Variants in ARSD observed in about 807,000 individuals in gnomAD.
The protein encoded by ARSD is testis tissue sperm-binding protein Li 39a.
Under a neutral mutation model 32.6 loss-of-function variants are expected in ARSD, and 21 were observed. That is an observed-to-expected ratio of 0.64 (90% CI 0.46 to 0.93). The LOEUF (loss-of-function observed/expected upper bound fraction) is 0.93. Among genes scored for constraint, ARSD ranks in the 40% least tolerant of loss-of-function variants. The pLI, the probability that ARSD is intolerant of heterozygous loss-of-function variation, is 0.00. For missense variants in ARSD, 454 were observed against 520.9 expected (o/e 0.87, Z 1.25); for synonymous variants, 224 against 237.4 (o/e 0.94, Z 0.52).
intron 2 of ARSD, among the ~76,000 whole-genome samples, chrX:2,924,015 C>T (rs2089056778): frequency 8.9e-6 from 1 of 112,302 alleles, no homozygotes; most frequent in Non-Finnish European, 1.9e-5. Context: ...AAGGGGATCC[C>T]TGGACAGGGG....
intron 9 of ARSD, 152 bp downstream of exon 9, chrX:2,908,569 G>A (rs1238057951): frequency 3.3e-5 from 10 of 301,558 alleles, no homozygotes; most frequent in Admixed American, 2.8e-4. Context: ...TCTACTCATC[G>A]GTTTATCTAT....
chrX:2,922,842 CAAAAAAAAAAAAAA>C (rs60380048), intron 2 of ARSD, among the ~76,000 whole-genome samples: 1 of 43,723 alleles, frequency 2.3e-5, no homozygotes, highest in Non-Finnish European at 3.9e-5. Context: ...GACCGTGTCT[CAAAAAAAAAAAAAA>C]AAAAAAAAAA....
chrX:2,920,089 T>A (rs1395165067), intron 4 of ARSD, among the ~76,000 whole-genome samples: 2 of 111,490 alleles, frequency 1.8e-5, no homozygotes, highest in Admixed American at 1.9e-4. Context: ...GGGTTTATTG[T>A]CTAAAGGAAG....
At chrX:2,912,613 AAC>A (rs1410654313) in intron 6 of ARSD, among the ~76,000 whole-genome samples, 2 of 111,527 alleles carry the variant, frequency 1.8e-5, no homozygotes, top group African/African-American at 6.5e-5. Context: ...ACCAATACAA[AAC>A]ACAGAATGAA....
chrX:2,915,592 A>G lies in ARSD; in HGVS notation c.964T>C (p.Tyr322His), dbSNP rs754752798. 8.3e-7 allele frequency: 1 copy of G among 1,211,704 alleles called. No homozygotes were observed. Among genetic ancestry groups the G allele is most frequent in the South Asian group, 1.8e-5 (1 of 56,994 alleles). ...TCCATCTCCTCCACATTATCACCAT[A>G]TAAGCCATGCTGACTTTTCCCCAGG... ...AFLGKSQHGL[Y>H]GDNVEEMDWL... The change falls in exon 6 of 10, where the codon TAT (tyrosine) becomes CAT (histidine). Residue 322 changes from tyrosine (Y) to histidine (H), a missense_variant. Tyr to His is a moderately conservative substitution (Grantham distance 83). Transcript: ENST00000381154.
At position 2,910,530 on chromosome X, in the gene ARSD, C is replaced by T. The variant is rs7357997; in HGVS notation, c.1135+129G>A. On this transcript the variant is annotated intron_variant, in intron 7 of 9. Transcript: ENST00000381154. ...CCTGCTCATCTAGGTAGAACTTGTA[C>T]TACAGTAGGTGCTCAATGCATTCTT... is the stretch of plus-strand genomic sequence containing the variant. 5.0e-4 allele frequency: 477 copies of T among 952,806 alleles called. 2 individuals are homozygous for T. In the African/African-American group the frequency reaches 8.5e-3, roughly 17 times the overall value. 78.5% of individuals were successfully genotyped at this position (952,806 alleles called of 1,213,427 possible). A position where few individuals can be genotyped will look rare whatever the true frequency, so the allele number is the denominator to read the frequency against.
chrX:2,907,350 A>G lies in ARSD; in HGVS notation c.1703T>C (p.Leu568Pro). ...VPQQFSMSNI[L>P]WKPWLQPCCG... Reference sequence around the variant, plus strand: ...GCACGGCTGCAGCCACGGCTTCCACAGGATGTTGCTCATGGAAAACTGCTG... The same window carrying G: ...GCACGGCTGCAGCCACGGCTTCCACGGGATGTTGCTCATGGAAAACTGCTG... The change falls in exon 10 of 10, where the codon CTG becomes CCG. Residue 568 changes from leucine to proline, a missense_variant. This residue lies in a region of ARSD where 179 missense variants were observed against 198.5 expected (regional missense o/e 0.90). Coordinates refer to ENST00000381154, the MANE Select transcript of ARSD (RefSeq NM_001669.4). The G allele has an allele frequency of 1.7e-6, 2 of 1,212,119 alleles. No homozygotes were observed. The highest frequency in any genetic ancestry group is 2.2e-6 in the Non-Finnish European group (2 of 895,572).
chrX:2,924,147 C>G (rs1439798576), intron 2 of ARSD, among the ~76,000 whole-genome samples: 1 of 112,836 alleles, frequency 8.9e-6, no homozygotes, highest in African/African-American at 3.2e-5. Flanking sequence ...ATCCTCCACT[C>G]TCAGCTTCCT....
At chrX:2,907,837 T>C in intron 9 of ARSD, 1 of 968,250 alleles carries the variant, frequency 1.0e-6, no homozygotes, top group Non-Finnish European at 1.3e-6. Flanking sequence ...TGTGTGTCCG[T>C]TTGTGTCTCT....
chrX:2,920,683 G>A lies in ARSD; in HGVS notation c.357C>T (p.Asn119=), dbSNP rs201773531. 217 of 1,210,158 alleles carry A rather than the reference G, an allele frequency of 1.8e-4. No homozygotes were observed. The highest frequency in any genetic ancestry group is 2.3e-4 in the Non-Finnish European group (209 of 895,268). The change falls in exon 4 of 10, where the codon AAC becomes AAT. Residue 119 remains asparagine, a synonymous_variant. Transcript: ENST00000381154. ...ASNGYRALQW[N]AGSGGLPENE... ...TCTCAGGGAGTCCACCTGAGCCTGC[G>A]TTCCACTGAAGGGCCCGGTATCCAT...
chrX:2,914,431 C>A, intron 6 of ARSD: 1 of 389,719 alleles, frequency 2.6e-6, no homozygotes, highest in Non-Finnish European at 3.3e-6. Context: ...GGGGGGGGGG[C>A]GTCTCACTAT....
rs867207129 is a variant in ARSD, at chrX:2,907,116, C to A, written c.*155G>T. The A allele has an allele frequency of 5.8e-6, 3 of 514,042 alleles. No individual in the cohort carries two copies. The highest frequency in any genetic ancestry group is 2.5e-5 in the African/African-American group (1 of 40,057). The allele number at this position is 514,042 out of a possible 1,213,427, so 42.4% of individuals were successfully genotyped here. On this transcript the variant is annotated 3_prime_UTR_variant, in exon 10 of 10. Coordinates refer to ENST00000381154, the MANE Select transcript of ARSD (RefSeq NM_001669.4). ...TGAGGGACAGAGCGACACTCTGTCT[C>A]AAAAAAGAAAGAAAGAAAGAAAGAA...
At chrX:2,912,468 C>A (rs188771774) in intron 6 of ARSD, among the ~76,000 whole-genome samples, 1 of 111,315 alleles carries the variant, frequency 9.0e-6, no homozygotes, top group Non-Finnish European at 1.9e-5. Flanking sequence ...AGCTGCATGC[C>A]GACCACCTTG....
intron 9 of ARSD, chrX:2,908,030 TTATC>T (rs1172241268): frequency 4.4e-6 from 3 of 684,090 alleles, no homozygotes; most frequent in Non-Finnish European, 5.3e-6. Flanking sequence ...GATTGGGTAC[TTATC>T]TATCTATCGC....
At position 2,918,222 on chromosome X, in the gene ARSD, A is replaced by G; in HGVS notation, c.445T>C (p.Trp149Arg). 8.7e-7 allele frequency: 1 copy of G among 1,151,018 alleles called. No individual in the cohort carries two copies. Among genetic ancestry groups the G allele is most frequent in the Non-Finnish European group, 1.2e-6 (1 of 864,619 alleles). The allele number at this position is 1,151,018 out of a possible 1,213,427, so 94.9% of individuals were successfully genotyped here. A position where few individuals can be genotyped will look rare whatever the true frequency, so the allele number is the denominator to read the frequency against. ...HGYATGLIGK[W>R]HQGVNCASRG... Reference sequence around the variant, plus strand: ...GATGCACAATTCACACCCTGGTGCCATTTTCCTAAAAGAAACGCAAATGTT... The same window carrying G: ...GATGCACAATTCACACCCTGGTGCCGTTTTCCTAAAAGAAACGCAAATGTT... The change falls in exon 5 of 10, where the codon TGG (tryptophan) becomes CGG (arginine). Residue 149 changes from tryptophan (W) to arginine (R), a missense_variant. Physicochemically the swap from Trp to Arg is moderately radical, Grantham distance 101 (BLOSUM62 -3). Around this residue, in one of 3 missense-constraint regions of ARSD, gnomAD observed 271 missense variants for 301.0 expected, o/e 0.90. Coordinates refer to ENST00000381154, the MANE Select transcript of ARSD (RefSeq NM_001669.4).
At position 2,929,260 on chromosome X, in the gene ARSD, G is replaced by T; in HGVS notation, c.16C>A (p.Arg6=). ...GCGGCGGGCGCGGCGCGTCCCCTCC[G>T]CGCGGCGGATCGCATGGCCGAGCGC... MRSAA[R]RGRAAPAARD... is the part of the protein sequence containing the mutation. The change falls in exon 1 of 10, where the codon CGG becomes AGG. Residue 6 remains arginine, a synonymous_variant. Coordinates refer to ENST00000381154, the MANE Select transcript of ARSD (RefSeq NM_001669.4). 9.7e-7 allele frequency: 1 copy of T among 1,026,375 alleles called. No homozygotes were observed. 84.6% of individuals were successfully genotyped at this position (1,026,375 alleles called of 1,213,427 possible).
chrX:2,918,367 G>T, intron 4 of ARSD, 140 bp from the exon 5 acceptor site: 1 of 562,958 alleles, frequency 1.8e-6, no homozygotes. Context: ...GCAATGAATG[G>T]ATTGGATACC....
intron 4 of ARSD, among the ~76,000 whole-genome samples, chrX:2,918,714 T>C (rs1448757670): frequency 9.0e-6 from 1 of 110,851 alleles, no homozygotes; most frequent in Non-Finnish European, 1.9e-5. Context: ...CACTCCAGCC[T>C]GGGCGACAGA....
intron 5 of ARSD, 117 bp downstream of exon 5, chrX:2,917,687 G>T: frequency 1.3e-6 from 1 of 744,295 alleles, no homozygotes; most frequent in Non-Finnish European, 1.9e-6. Flanking sequence ...GCCCAAGCTA[G>T]TCTAAAGCAC....
Sources: allele counts gnomAD v4.1 joint callset (sites outside exome capture counted in the v4.1 genomes callset), GRCh38; gene constraint gnomAD v4.1.1; regional missense constraint gnomAD v4.1.1; transcripts MANE v1.5; gene names NCBI Gene and HGNC (gene_info 2026-07-23, HGNC 2026-07-21).